Variants in FLT1 observed in about 807,000 individuals in gnomAD.
FLT1 encodes vascular endothelial growth factor receptor 1.
Under a neutral mutation model 156.3 loss-of-function variants are expected in FLT1, and 49 were observed. That is an observed-to-expected ratio of 0.31 (90% CI 0.25 to 0.40). The LOEUF (loss-of-function observed/expected upper bound fraction) is 0.40, where lower values mean the gene tolerates loss of function less well. Ranked by LOEUF, FLT1 falls within the 10% of genes least tolerant of loss-of-function variation. The pLI, the probability that FLT1 is intolerant of heterozygous loss-of-function variation, is 1.00. For synonymous variants in FLT1, 594 were observed against 583.8 expected, an observed-to-expected ratio of 1.02 and a Z score of -0.25; for missense variants, 1,322 against 1,637.2, an observed-to-expected ratio of 0.81 and a Z score of 3.32.
At chr13:28,340,905 C>T (rs561939105) in intron 16 of FLT1, among the ~76,000 whole-genome samples, 17 of 152,298 alleles carry the variant, frequency 1.1e-4, no homozygotes, top group African/African-American at 3.1e-4. Flanking sequence ...TATGAGGGCC[C>T]GGCCTGCCAG....
At chr13:28,403,279 A>C (rs1294144958) in intron 11 of FLT1, among the ~76,000 whole-genome samples, 1 of 152,192 alleles carries the variant, frequency 6.6e-6, no homozygotes, top group African/African-American at 2.4e-5. Context: ...GGGTAGCACA[A>C]GTGCAGAGGT....
intron 1 of FLT1, among the ~76,000 whole-genome samples, chr13:28,473,750 G>A (rs1267668447): frequency 2.6e-5 from 2 of 76,598 alleles, no homozygotes; most frequent in African/African-American, 1.2e-4. Flanking sequence ...AGGAAGGAAG[G>A]AAGGAAGGAA....
chr13:28,449,913 G>A (rs2137583678), intron 3 of FLT1, among the ~76,000 whole-genome samples: 1 of 152,308 alleles, frequency 6.6e-6, no homozygotes, highest in African/African-American at 2.4e-5. Flanking sequence ...GAACAGGAGT[G>A]GTGGTTCCTT....
intron 15 of FLT1, among the ~76,000 whole-genome samples, chr13:28,356,137 G>T (rs1477569768): frequency 6.6e-6 from 1 of 152,198 alleles, no homozygotes; most frequent in Non-Finnish European, 1.5e-5. Context: ...CCTCTGGTCT[G>T]CCATGACTAG....
intron 10 of FLT1, among the ~76,000 whole-genome samples, chr13:28,415,405 C>T (rs1253245865): frequency 2.6e-5 from 4 of 152,034 alleles, no homozygotes; most frequent in Admixed American, 6.5e-5. Flanking sequence ...TGCTTGAACC[C>T]GGGAGGCAGA....
intron 13 of FLT1, chr13:28,387,745 T>C (rs1344775517): frequency 9.8e-7 from 1 of 1,024,202 alleles, no homozygotes; most frequent in Non-Finnish European, 1.2e-6. Context: ...CCTCCCTTCA[T>C]ACCCCAGGGT....
intron 1 of FLT1, among the ~76,000 whole-genome samples, chr13:28,481,436 C>T (rs985542673): frequency 3.5e-5 from 5 of 142,758 alleles, no homozygotes; most frequent in African/African-American, 8.0e-5. Flanking sequence ...TAACCTCCTC[C>T]GCTTATACAC....
chr13:28,322,586 C>A lies in FLT1; in HGVS notation c.2953+204G>T. 1 of 729,264 alleles carries A rather than the reference C, an allele frequency of 1.4e-6. No individual in the cohort carries two copies. The highest frequency in any genetic ancestry group is 1.7e-5 in the African/African-American group (1 of 57,464). 45.2% of individuals were successfully genotyped at this position (729,264 alleles called of 1,614,324 possible). On this transcript the variant is annotated intron_variant, in intron 21 of 29. Transcript: ENST00000282397. This position sits in a 1 kb window ranked among gnomAD's most constrained non-coding sequence, Gnocchi z 4.3. ...GGATGATCCATTAAGATGAAAATCC[C>A]TGAGGGGAGAAAACGGTACAGTTCC...
rs1260058846 is a variant in FLT1, at chr13:28,311,659, A to G, written c.3566T>C (p.Phe1189Ser). Residue 1189 changes from phenylalanine (F) to serine (S), a missense_variant, in exon 27 of 30, where the codon TTC becomes TCC. Transcript: ENST00000282397. Reference protein sequence around the residue: ...NSGFTYSTPAFSEDFFKESIS... With the variant: ...NSGFTYSTPASSEDFFKESIS... ...ACTTTCCTTGAAGAAGTCCTCAGAG[A>G]AGGCAGGAGTTGAGTATGTAAACCC... The G allele has an allele frequency of 1.2e-6, 2 of 1,613,678 alleles. No individual in the cohort carries two copies. The highest frequency in any genetic ancestry group is 1.1e-5 in the South Asian group (1 of 91,074).
rs535413626 is a variant in FLT1 at position 28,485,916 on chromosome 13, C to G, written c.64+8864G>C. Among the ~76,000 whole-genome samples, 4 of 152,298 alleles carry G rather than the reference C, an allele frequency of 2.6e-5. No homozygotes were observed. The South Asian group carries it at 8.3e-4, about 32-fold the overall frequency. The stretch of plus-strand genomic sequence containing the variant: ...CAAGGACTATAGATGCATGAGAAAC[C>G]CAGGTGAGACCCGAAGGGAAACTAC... On this transcript the variant is annotated intron_variant, in intron 1 of 29. Transcript: ENST00000282397.
chr13:28,493,516 CT>C (rs757174581), intron 1 of FLT1, among the ~76,000 whole-genome samples: 23 of 152,130 alleles, frequency 1.5e-4, no homozygotes, highest in Non-Finnish European at 3.2e-4. Context: ...GTTTAACAAG[CT>C]TTTTGTTGTT....
intron 1 of FLT1, among the ~76,000 whole-genome samples, chr13:28,477,870 A>T (rs1012695367): frequency 6.6e-6 from 1 of 152,188 alleles, no homozygotes; most frequent in Non-Finnish European, 1.5e-5. Flanking sequence ...AAATATACAC[A>T]TTTTCAGATT....
At chr13:28,319,275 T>C in intron 24 of FLT1, 148 bp downstream of exon 24, 1 of 677,494 alleles carries the variant, frequency 1.5e-6, no homozygotes, top group Admixed American at 2.1e-5. Context: ...CCATTACTCA[T>C]CTGAGAGTCT....
intron 16 of FLT1, among the ~76,000 whole-genome samples, chr13:28,343,301 T>C (rs1056198297): frequency 6.6e-6 from 1 of 150,926 alleles, no homozygotes; most frequent in African/African-American, 2.5e-5. Context: ...AATTTCTTTC[T>C]TTTCTTTTTT....
intron 14 of FLT1, among the ~76,000 whole-genome samples, chr13:28,370,334 G>A (rs2137427134): frequency 6.6e-6 from 1 of 152,266 alleles, no homozygotes; most frequent in Non-Finnish European, 1.5e-5. Context: ...GGGGAGAGGG[G>A]AAGGATAGCA....
At chr13:28,305,702 G>A (rs9513070) in intron 29 of FLT1, among the ~76,000 whole-genome samples, 82,939 of 152,050 alleles carry the variant, frequency 0.55, 23,435 homozygotes, top group East Asian at 0.74. Flanking sequence ...CCCACGGGCT[G>A]CATGAATCCC....
chr13:28,394,799 C>G (rs140524533), intron 12 of FLT1, among the ~76,000 whole-genome samples: 1 of 152,258 alleles, frequency 6.6e-6, no homozygotes, highest in East Asian at 1.9e-4. Flanking sequence ...TATCATGATC[C>G]AGGTCCCTGG....
rs142425372 is a variant in FLT1 at position 28,389,898 on chromosome 13, T to A, written c.1867A>T (p.Ile623Phe). ...GAATCTTGCAGGGAAACATTCATGA[T>A]GGTAAGATTAAGAGTGATGGAGTGC... ...KEHSITLNLT[I>F]MNVSLQDSGT... Residue 623 changes from isoleucine to phenylalanine, a missense_variant, in exon 13 of 30, where the codon ATC becomes TTC. Ile to Phe is a conservative substitution (Grantham distance 21). Around this residue, in one of 3 missense-constraint regions of FLT1, gnomAD observed 991 missense variants for 1,254.8 expected, o/e 0.79. Coordinates refer to ENST00000282397, the MANE Select transcript of FLT1 (RefSeq NM_002019.4). 6.8e-6 allele frequency: 11 copies of A among 1,614,026 alleles called. No individual in the cohort carries two copies. In the South Asian group the frequency reaches 1.2e-4, roughly 18 times the overall value.
At chr13:28,321,696 A>AAT in intron 22 of FLT1, 111 bp from the exon 23 acceptor site, 5 of 1,087,638 alleles carry the variant, frequency 4.6e-6, no homozygotes, top group Non-Finnish European at 7.0e-6. Context: ...CATGCTGTGA[A>AAT]GGGAGCACCT....
Sources: gnomAD v4.1 joint callset for allele counts (sites outside exome capture counted in the v4.1 genomes callset) on GRCh38, gnomAD v4.1.1 for gene constraint, gnomAD v4.1.1 regional missense constraint, Gnocchi (gnomAD v3.1) non-coding constraint, MANE v1.5 for transcripts, NCBI Gene and HGNC (gene_info 2026-07-23, HGNC 2026-07-21) for gene names.